The following CPAMD8 variants were observed in gnomAD, a reference collection of about 807,000 sequenced individuals.
CPAMD8 encodes C3 and PZP-like alpha-2-macroglobulin domain-containing protein 8.
CPAMD8 carries 146 observed loss-of-function variants against 224.7 expected under a neutral mutation model. That is an observed-to-expected ratio of 0.65 (90% CI 0.57 to 0.75). The LOEUF (loss-of-function observed/expected upper bound fraction) is 0.75. Among genes scored for constraint, CPAMD8 ranks in the 30% least tolerant of loss-of-function variants. CPAMD8 has a pLI of 0.00. For missense variants in CPAMD8, 2,301 were observed against 2,537.5 expected, an observed-to-expected ratio of 0.91 and a Z score of 2.00; for synonymous variants, 966 against 1,044.6, an observed-to-expected ratio of 0.92 and a Z score of 1.45.
chr19:16,896,710 GC>G (rs2052013011), intron 39 of CPAMD8, 45 bp from the exon 40 acceptor site: 4 of 1,302,654 alleles, frequency 3.1e-6, no homozygotes, highest in South Asian at 1.8e-5. Context: ...CCTGAACCTT[GC>G]CCGCGCCCCC....
chr19:16,947,830 C>CGT (rs1237751139), intron 20 of CPAMD8, among the ~76,000 whole-genome samples: 2 of 151,954 alleles, frequency 1.3e-5, no homozygotes, highest in Non-Finnish European at 2.9e-5. Flanking sequence ...GATATGCATT[C>CGT]GTGTGTGTGT....
intron 22 of CPAMD8, among the ~76,000 whole-genome samples, chr19:16,945,314 A>G (rs539399027): frequency 6.6e-6 from 1 of 152,286 alleles, no homozygotes; most frequent in East Asian, 1.9e-4. Flanking sequence ...CAGCCCCTGA[A>G]GAGTCCCAAG....
intron 32 of CPAMD8, 50 bp downstream of exon 32, chr19:16,904,176 A>AGCCCCCCCCCCCCCCCCCCCCCCCCCCC: frequency 2.1e-6 from 2 of 937,340 alleles, no homozygotes; most frequent in Non-Finnish European, 3.3e-6. Context: ...GACTGCAGGG[A>AGCCCCCCCCCCCCCCCCCCCCCCCCCCC]CCCCACCCAC....
At chr19:16,905,308 G>A (rs1313279544) in intron 30 of CPAMD8, among the ~76,000 whole-genome samples, 2 of 147,626 alleles carry the variant, frequency 1.4e-5, no homozygotes, top group South Asian at 2.1e-4. Flanking sequence ...GGCAAGGCAC[G>A]GTGGCTCATG....
chr19:16,951,087 T>C (rs188087716), intron 20 of CPAMD8, among the ~76,000 whole-genome samples: 2 of 152,324 alleles, frequency 1.3e-5, no homozygotes, highest in East Asian at 3.9e-4. Flanking sequence ...AAAACAGCCC[T>C]GCTTAATGTT....
chr19:16,928,454 AT>A (rs1035760066), intron 24 of CPAMD8, among the ~76,000 whole-genome samples: 4 of 152,312 alleles, frequency 2.6e-5, no homozygotes, highest in Non-Finnish European at 5.9e-5. Flanking sequence ...TTCCAAAGTC[AT>A]TGGGCTCCTT....
chr19:16,969,818 G>T (rs2054984284), intron 18 of CPAMD8, among the ~76,000 whole-genome samples: 2 of 145,524 alleles, frequency 1.4e-5, no homozygotes, highest in African/African-American at 5.2e-5. Context: ...AGGTTGCAGT[G>T]AGCCAAGCTC....
intron 21 of CPAMD8, 136 bp downstream of exon 21, chr19:16,946,938 T>C (rs1471195031): frequency 1.2e-6 from 1 of 842,002 alleles, no homozygotes; most frequent in African/African-American, 1.7e-5. Flanking sequence ...TTGCCCCAGT[T>C]GCTGTCCCAT....
intron 13 of CPAMD8, 134 bp from the exon 14 acceptor site, chr19:16,980,820 C>T: frequency 3.5e-6 from 2 of 579,588 alleles, no homozygotes; most frequent in Non-Finnish European, 2.9e-6. Flanking sequence ...CCAGTCCTGG[C>T]CCCTAGCTTT....
In CPAMD8 at chr19:16,897,610, G is replaced by A. The variant is rs2144695770; in HGVS notation, c.5065+81C>T. On this transcript the variant is annotated intron_variant, in intron 39 of 41. Transcript: ENST00000443236. ...GCCCCTCCTCTGCCAAGCCCCCAGG[G>A]GAGCCCTCCCTGGCGTCCGAGGGTG... is the stretch of plus-strand genomic sequence containing the variant. 7 of 778,510 alleles carry A rather than the reference G, an allele frequency of 9.0e-6. 1 individual carries two copies. In the East Asian group the frequency reaches 1.5e-4, roughly 16 times the overall value. The allele number at this position is 778,510 out of a possible 1,614,324, so 48.2% of individuals were successfully genotyped here.
At chr19:16,957,981 A>C in intron 18 of CPAMD8, 66 bp from the exon 19 acceptor site, 1 of 1,425,870 alleles carries the variant, frequency 7.0e-7, no homozygotes, top group Middle Eastern at 1.8e-4. Flanking sequence ...TGAACCTAGC[A>C]GCTTTGCATT....
chr19:16,939,879 G>T (rs8105345), intron 22 of CPAMD8, among the ~76,000 whole-genome samples: 28,185 of 151,568 alleles, frequency 0.19, 2,685 homozygotes, highest in African/African-American at 0.21. Context: ...TAGCTTTTTT[G>T]TTGTTGTTGT....
chr19:16,921,987 C>T lies in CPAMD8; in HGVS notation c.3548-1G>A, dbSNP rs753205725. 1 of 1,546,856 alleles carries T rather than the reference C, an allele frequency of 6.5e-7. No individual in the cohort carries two copies. The highest frequency in any genetic ancestry group is 8.7e-7 in the Non-Finnish European group (1 of 1,146,082). On this transcript the variant is annotated splice_acceptor_variant, in intron 26 of 41. Transcript: ENST00000443236. LOFTEE classifies it high-confidence loss of function. ...TTGTAGGTCAGCTGGCGCTGGTAGC[C>T]TGTGGGGCAAGCAGAGAGGACCCTG...
intron 11 of CPAMD8, among the ~76,000 whole-genome samples, chr19:16,994,673 A>G (rs907187307): frequency 2.1e-5 from 2 of 96,450 alleles, no homozygotes; most frequent in African/African-American, 8.5e-5. Context: ...GTACAATACC[A>G]TGCCTGGCTA....
At chr19:17,006,805 G>T (rs531363596) in intron 7 of CPAMD8, among the ~76,000 whole-genome samples, 1 of 152,094 alleles carries the variant, frequency 6.6e-6, no homozygotes. Flanking sequence ...CTGCCACCCC[G>T]GGCTGGGATA....
intron 9 of CPAMD8, among the ~76,000 whole-genome samples, chr19:17,000,738 T>C (rs1382735858): frequency 6.6e-6 from 1 of 152,068 alleles, no homozygotes; most frequent in African/African-American, 2.4e-5. Flanking sequence ...AGCCTCCAGA[T>C]GGACAGAAAA....
chr19:16,948,840 A>AGGGAACAGAAGGGAAGGGAG (rs1568515456), intron 20 of CPAMD8, among the ~76,000 whole-genome samples: 15 of 81,670 alleles, frequency 1.8e-4, no homozygotes, highest in African/African-American at 8.1e-4. Flanking sequence ...AGGGAGGAGA[A>AGGGAACAGAAGGGAAGGGAG]GGGAAGAGAA....
chr19:16,994,891 C>T (rs1780173026), intron 11 of CPAMD8, among the ~76,000 whole-genome samples: 1 of 152,050 alleles, frequency 6.6e-6, no homozygotes, highest in African/African-American at 2.4e-5. Flanking sequence ...GGTCCTCTTG[C>T]CTTGGCCTCA....
chr19:16,981,123 C>A (rs750806524), intron 13 of CPAMD8, among the ~76,000 whole-genome samples: 1 of 151,116 alleles, frequency 6.6e-6, no homozygotes, highest in South Asian at 2.1e-4. Flanking sequence ...GGGGCTGAAG[C>A]GGACAGATCG....
Sources: allele counts gnomAD v4.1 joint callset (sites outside exome capture counted in the v4.1 genomes callset), GRCh38; gene constraint gnomAD v4.1.1; transcripts MANE v1.5; gene names NCBI Gene and HGNC (gene_info 2026-07-23, HGNC 2026-07-21).